The following WBP2NL variants were observed in gnomAD, a reference collection of about 807,000 sequenced individuals.
WBP2NL encodes postacrosomal sheath WW domain-binding protein.
In WBP2NL, 27 loss-of-function variants were observed where a neutral mutation model predicts 23.3. The observed-to-expected ratio is 1.16, with a 90% CI of 0.85 to 1.60. The LOEUF is 1.60. Ranked by LOEUF, WBP2NL falls within the 40% of genes most tolerant of loss-of-function variation. The probability of loss-of-function intolerance (pLI) is 0.00; values close to 1 mark genes in which losing one functional copy is unlikely to be tolerated. For missense variants in WBP2NL, 370 were observed against 389.5 expected (o/e 0.95, Z 0.42); for synonymous variants, 151 against 145.9 (o/e 1.03, Z -0.25).
chr22:42,028,278 G>A lies in WBP2NL; in HGVS notation c.*1097G>A. 2.5e-6 allele frequency: 1 copy of A among 393,070 alleles called. No homozygotes were observed. Among genetic ancestry groups the A allele is most frequent in the Non-Finnish European group, 4.5e-6 (1 of 223,238 alleles). 24.3% of individuals were successfully genotyped at this position (393,070 alleles called of 1,614,324 possible). A position where few individuals can be genotyped will look rare whatever the true frequency, so the allele number is the denominator to read the frequency against. On this transcript the variant is annotated 3_prime_UTR_variant, in exon 6 of 6. Coordinates refer to ENST00000328823, the MANE Select transcript of WBP2NL (RefSeq NM_152613.3). ...ACTATAGTGATTTTCAGCCTCATCAGACTGAATGCCCCATTTTATAACAAA... is the reference window on the plus strand; with the variant it reads ...ACTATAGTGATTTTCAGCCTCATCAAACTGAATGCCCCATTTTATAACAAA...
At chr22:42,016,418 C>T (rs938914937) in intron 1 of WBP2NL, among the ~76,000 whole-genome samples, 2 of 152,228 alleles carry the variant, frequency 1.3e-5, no homozygotes, top group Non-Finnish European at 2.9e-5. Flanking sequence ...TAAGTGTGTT[C>T]TGCTCCCTCC....
At chr22:42,036,602 T>A (rs1290674858), downstream of WBP2NL, among the ~76,000 whole-genome samples, 1 of 152,258 alleles carries the variant, frequency 6.6e-6, no homozygotes, top group Non-Finnish European at 1.5e-5. Context: ...TTGTTATCTT[T>A]TATCTTTTTG....
intron 5 of WBP2NL, among the ~76,000 whole-genome samples, chr22:42,023,537 C>G (rs551445081): frequency 5.3e-5 from 8 of 151,386 alleles, no homozygotes; most frequent in Non-Finnish European, 1.0e-4. Context: ...GAGTCTTGCT[C>G]TGTCGCCCAG....
intron 8 of WBP2NL, among the ~76,000 whole-genome samples, chr22:42,053,233 G>A (rs1925899818): frequency 1.3e-5 from 2 of 152,138 alleles, no homozygotes; most frequent in African/African-American, 2.4e-5. Flanking sequence ...GTTGATAGAC[G>A]TTTGAGTTGT....
intron 1 of WBP2NL, among the ~76,000 whole-genome samples, chr22:42,010,920 T>C (rs1208177668): frequency 1.3e-5 from 2 of 152,250 alleles, no homozygotes; most frequent in African/African-American, 2.4e-5. Context: ...TTTGTTCATA[T>C]GGTGTGTTAC....
rs1418044328 is a variant in WBP2NL at position 41,998,871 on chromosome 22, A to G, written c.53A>G (p.Asn18Ser). 6.2e-7 allele frequency: 1 copy of G among 1,611,042 alleles called. No individual in the cohort carries two copies. Among genetic ancestry groups the G allele is most frequent in the Non-Finnish European group, 8.5e-7 (1 of 1,178,130 alleles). The change falls in exon 1 of 6, where the codon AAC (asparagine) becomes AGC (serine). Residue 18 changes from asparagine (N) to serine (S), a missense_variant. Physicochemically the swap from Asn to Ser is conservative, Grantham distance 46 (BLOSUM62 1). Coordinates refer to ENST00000328823, the MANE Select transcript of WBP2NL (RefSeq NM_152613.3). Reference protein sequence around the residue: ...TENRRGALIPNGESLLKRSPN... With the variant: ...TENRRGALIPSGESLLKRSPN... The stretch of plus-strand genomic sequence containing the variant: ...AACCGCCGCGGAGCCCTCATCCCTA[A>G]CGGTGAAAGGTGCCTGAGGGGAAGC...
At chr22:42,007,329 G>A (rs1922346191) in intron 1 of WBP2NL, among the ~76,000 whole-genome samples, 1 of 152,008 alleles carries the variant, frequency 6.6e-6, no homozygotes, top group Admixed American at 6.6e-5. Flanking sequence ...TTTGGGATAG[G>A]GGAATTGTGA....
downstream of WBP2NL, among the ~76,000 whole-genome samples, chr22:42,036,190 T>C (rs930469718): frequency 2.6e-5 from 4 of 152,162 alleles, no homozygotes; most frequent in African/African-American, 9.7e-5. Flanking sequence ...TTTTTTTTTC[T>C]TTGAGACCAA....
intron 8 of WBP2NL, among the ~76,000 whole-genome samples, chr22:42,054,448 C>T (rs914852174): frequency 6.6e-6 from 1 of 151,878 alleles, no homozygotes. Flanking sequence ...GCCTTGGCCT[C>T]CCAAAGTGCT....
rs186348033 is a variant in WBP2NL, at chr22:42,045,173, T to G, written c.*274-13117T>G. 2.6e-3 allele frequency among the ~76,000 whole-genome samples: 397 copies of G among 152,170 alleles called. 10 individuals are homozygous for G. In the East Asian group the frequency reaches 0.07, roughly 27 times the overall value. ...TAAAACCTCGGCCGGGCGCGGTGGC[T>G]CACGCCTGTAATCCCAGCACTTTGG... On this transcript the variant is annotated intron_variant and NMD_transcript_variant, in intron 8 of 8. Coordinates refer to the WBP2NL transcript ENST00000436265.
intron 1 of WBP2NL, among the ~76,000 whole-genome samples, chr22:42,017,924 G>A (rs918722583): frequency 1.1e-4 from 17 of 151,916 alleles, no homozygotes; most frequent in African/African-American, 3.6e-4. Context: ...CGAGGCGGGC[G>A]GATCACCTGA....
intron 4 of WBP2NL, among the ~76,000 whole-genome samples, chr22:42,021,975 T>A (rs985749705): frequency 6.6e-6 from 1 of 151,926 alleles, no homozygotes; most frequent in African/African-American, 2.4e-5. Context: ...TTTTAAAAAA[T>A]TTTTTGTAGA....
intron 1 of WBP2NL, chr22:42,003,013 C>T (rs1921855186): frequency 6.6e-6 from 1 of 152,402 alleles, no homozygotes; most frequent in Non-Finnish European, 1.5e-5. Context: ...AAACTATAGC[C>T]AGGCATGGTG....
At chr22:42,052,657 C>T (rs1221971315) in intron 8 of WBP2NL, among the ~76,000 whole-genome samples, 1 of 152,204 alleles carries the variant, frequency 6.6e-6, no homozygotes. Context: ...AAAATAGGTA[C>T]TTTTCAACAA....
chr22:42,016,397 A>C (rs910654332), intron 1 of WBP2NL, among the ~76,000 whole-genome samples: 1 of 152,190 alleles, frequency 6.6e-6, no homozygotes, highest in Non-Finnish European at 1.5e-5. Context: ...TCAAACTACA[A>C]TTTTTAAAAA....
chr22:42,055,561 A>C (rs1342138844), intron 8 of WBP2NL, among the ~76,000 whole-genome samples: 2 of 152,190 alleles, frequency 1.3e-5, no homozygotes, highest in Non-Finnish European at 2.9e-5. Context: ...TACTGAGAAG[A>C]ATGTATATTC....
At chr22:42,037,101 G>A (rs1047801409), downstream of WBP2NL, among the ~76,000 whole-genome samples, 46 of 150,530 alleles carry the variant, frequency 3.1e-4, no homozygotes, top group Non-Finnish European at 4.1e-4. Flanking sequence ...TGATTGTTGT[G>A]TAGTATGAGA....
chr22:42,042,624 G>A (rs748793072), intron 8 of WBP2NL, among the ~76,000 whole-genome samples: 1 of 152,116 alleles, frequency 6.6e-6, no homozygotes, highest in African/African-American at 2.4e-5. Flanking sequence ...AACAATTATT[G>A]TGAATTTTTT....
In WBP2NL at chr22:42,019,732, C is replaced by T. The variant is rs764443623; in HGVS notation, c.242C>T (p.Thr81Met). 6.8e-6 allele frequency: 11 copies of T among 1,614,154 alleles called. No individual in the cohort carries two copies. The highest frequency in any genetic ancestry group is 4.5e-5 in the East Asian group (2 of 44,886). The change falls in exon 3 of 6, where the codon ACG (threonine) becomes ATG (methionine). Residue 81 changes from threonine (T) to methionine (M), a missense_variant. By Grantham distance (81) the Thr-to-Met change is moderately conservative (BLOSUM62 -1). Transcript: ENST00000328823. ...LSFMMPFDLMTNLTVEQPVFA... is the reference protein window; with the variant it reads ...LSFMMPFDLMMNLTVEQPVFA... ...TTTATGATGCCATTTGATCTGATGA[C>T]GAACCTCACTGTTGAACAACCAGTA...
Sources: gnomAD v4.1 joint callset for allele counts (sites outside exome capture counted in the v4.1 genomes callset) on GRCh38, gnomAD v4.1.1 for gene constraint, MANE v1.5 for transcripts, NCBI Gene and HGNC (gene_info 2026-07-23, HGNC 2026-07-21) for gene names.